MEPE: variants seen among roughly 807,000 people sequenced by gnomAD.
The protein encoded by MEPE is matrix, extracellular phosphoglycoprotein with ASARM motif (bone).
Under a neutral mutation model 7.3 loss-of-function variants are expected in MEPE, and 7 were observed. The ratio of observed to expected loss-of-function variants is 0.95; its 90% CI spans 0.54 to 1.79. MEPE has a LOEUF of 1.79. Among genes scored for constraint, MEPE ranks in the 40% most tolerant of loss-of-function variants. The pLI, the probability that MEPE is intolerant of heterozygous loss-of-function variation, is 0.00. For synonymous variants in MEPE, 214 were observed against 213.1 expected, an observed-to-expected ratio of 1.00 and a Z score of -0.04; for missense variants, 623 against 628.2, an observed-to-expected ratio of 0.99 and a Z score of 0.09.
At position 87,845,232 on chromosome 4, in the gene MEPE, G is replaced by T. The variant is rs753243825; in HGVS notation, c.364G>T (p.Gly122Trp). The change falls in exon 4 of 4, where the codon GGG becomes TGG. Residue 122 changes from glycine (G) to tryptophan (W), a missense_variant. Physicochemically the swap from Gly to Trp is radical, Grantham distance 184. Transcript: ENST00000361056. Reference protein sequence around the residue: ...LRMSIYPKSTGNKGFEDGDDA... With the variant: ...LRMSIYPKSTWNKGFEDGDDA... ...GATGTCAATTTATCCTAAGTCAACT[G>T]GGAATAAAGGGTTTGAGGATGGAGA... is the stretch of plus-strand genomic sequence containing the variant. 1 of 1,613,856 alleles carries T rather than the reference G, an allele frequency of 6.2e-7. No homozygotes were observed. The highest frequency in any genetic ancestry group is 1.3e-5 in the African/African-American group (1 of 74,884).
At chr4:87,824,467 G>T (rs1382084043) in intron 1 of MEPE, among the ~76,000 whole-genome samples, 3 of 152,214 alleles carry the variant, frequency 2.0e-5, no homozygotes, top group Admixed American at 6.5e-5. Context: ...CAGGCTATAT[G>T]GTTTCTGTCA....
chr4:87,830,357 A>G (rs952867168), upstream of MEPE, among the ~76,000 whole-genome samples: 1 of 152,210 alleles, frequency 6.6e-6, no homozygotes, highest in Non-Finnish European at 1.5e-5. Flanking sequence ...GACTGGATAA[A>G]GAAAATGTGG....
intron 3 of MEPE, among the ~76,000 whole-genome samples, chr4:87,842,482 G>A (rs1460222001): frequency 6.6e-6 from 1 of 152,150 alleles, no homozygotes; most frequent in Non-Finnish European, 1.5e-5. Flanking sequence ...TAGGGCTGTG[G>A]TCAAGGCAAG....
chr4:87,838,749 GA>G, intron 3 of MEPE, 64 bp downstream of exon 3: 1 of 1,451,882 alleles, frequency 6.9e-7, no homozygotes, highest in Non-Finnish European at 9.6e-7. Flanking sequence ...GTCAGTAAGA[GA>G]AAAGTGTAAC....
chr4:87,835,711 C>G (rs1313838577), intron 2 of MEPE, among the ~76,000 whole-genome samples: 1 of 152,088 alleles, frequency 6.6e-6, no homozygotes, highest in Admixed American at 6.6e-5. Context: ...GTACTGCTCA[C>G]AACACACATT....
chr4:87,844,300 C>G (rs1335762315), intron 3 of MEPE, among the ~76,000 whole-genome samples: 1 of 152,092 alleles, frequency 6.6e-6, no homozygotes, highest in African/African-American at 2.4e-5. Flanking sequence ...TGGCTGCACC[C>G]AAGAGTGATA....
chr4:87,844,161 C>G (rs930140438), intron 3 of MEPE, among the ~76,000 whole-genome samples: 2 of 152,154 alleles, frequency 1.3e-5, no homozygotes, highest in African/African-American at 4.8e-5. Context: ...TCTCTGGAAA[C>G]CTCCAGACCA....
chr4:87,829,943 AG>A (rs1184821653), upstream of MEPE, among the ~76,000 whole-genome samples: 1 of 148,890 alleles, frequency 6.7e-6, no homozygotes, highest in African/African-American at 2.5e-5. Context: ...GGAGAAACTG[AG>A]GCACAGAAAA....
chr4:87,822,683 T>C (rs983070444), intron 1 of MEPE, among the ~76,000 whole-genome samples: 1 of 152,136 alleles, frequency 6.6e-6, no homozygotes, highest in Non-Finnish European at 1.5e-5. Context: ...CTCTACCCCT[T>C]AGCCAAATAG....
rs566650919 is a variant in MEPE, at chr4:87,845,510, T to C, written c.642T>C (p.His214=). The change falls in exon 4 of 4, where the codon CAT becomes CAC. Residue 214 remains histidine (H), a synonymous_variant. Coordinates refer to ENST00000361056, the MANE Select transcript of MEPE (RefSeq NM_020203.6). ...GTCCAGTAAAAAGCAAAAGCACCCA[T>C]CGTATTCAACACAACATTGACTACC... ...QKSPVKSKST[H]RIQHNIDYLK... The C allele has an allele frequency of 1.4e-5, 23 of 1,613,126 alleles. No homozygotes were observed. The highest frequency in any genetic ancestry group is 4.5e-5 in the East Asian group (2 of 44,886).
chr4:87,829,882 T>TC (rs1553915046), upstream of MEPE, among the ~76,000 whole-genome samples: 3 of 142,728 alleles, frequency 2.1e-5, no homozygotes, highest in Non-Finnish European at 4.6e-5. Context: ...TTTTTTTTTT[T>TC]GGACTTTGCT....
intron 1 of MEPE, among the ~76,000 whole-genome samples, chr4:87,821,858 C>T (rs1241764469): frequency 6.6e-6 from 1 of 152,112 alleles, no homozygotes; most frequent in Non-Finnish European, 1.5e-5. Context: ...CCCCTGAGCA[C>T]CATAAAGCTG....
chr4:87,821,804 A>G (rs1722344318), intron 1 of MEPE, among the ~76,000 whole-genome samples: 1 of 152,178 alleles, frequency 6.6e-6, no homozygotes, highest in African/African-American at 2.4e-5. Context: ...GGGCAACCAG[A>G]TTTCATAGTC....
intron 3 of MEPE, among the ~76,000 whole-genome samples, chr4:87,842,553 T>G (rs969658214): frequency 2.6e-5 from 4 of 152,118 alleles, no homozygotes; most frequent in African/African-American, 7.2e-5. Context: ...AAGGTCTGAT[T>G]TGGAACCCCA....
At chr4:87,828,542 G>A (rs561361192), upstream of MEPE, among the ~76,000 whole-genome samples, 2 of 152,216 alleles carry the variant, frequency 1.3e-5, no homozygotes, top group South Asian at 2.1e-4. Flanking sequence ...CAGAGCACAA[G>A]TACAGAAAAG....
At chr4:87,838,961 G>C (rs544689618) in intron 3 of MEPE, among the ~76,000 whole-genome samples, 1 of 152,240 alleles carries the variant, frequency 6.6e-6, no homozygotes, top group East Asian at 1.9e-4. Context: ...ACCTTCATGG[G>C]GCTAAGTGAG....
In MEPE at chr4:87,834,787, A is replaced by G; in HGVS notation, c.54+19A>G. On this transcript the variant is annotated intron_variant, in intron 2 of 3. Coordinates refer to ENST00000361056, the MANE Select transcript of MEPE (RefSeq NM_020203.6). ...AGCACCAGTAAGTATTTACAAATTC[A>G]ATTATATTTCAGATAATCTCTTGCT... 1 of 1,600,948 alleles carries G rather than the reference A, an allele frequency of 6.2e-7. No individual in the cohort carries two copies. The highest frequency in any genetic ancestry group is 8.5e-7 in the Non-Finnish European group (1 of 1,171,858).
chr4:87,840,318 T>C (rs1722966861), intron 3 of MEPE, among the ~76,000 whole-genome samples: 2 of 152,186 alleles, frequency 1.3e-5, no homozygotes, highest in African/African-American at 2.4e-5. Flanking sequence ...TTTCACTCAG[T>C]CCCTTCTTGT....
chr4:87,845,790 G>C lies in MEPE; in HGVS notation c.922G>C (p.Glu308Gln), dbSNP rs191216756. The C allele has an allele frequency of 5.6e-6, 9 of 1,613,900 alleles. No homozygotes were observed. The highest frequency in any genetic ancestry group is 7.6e-6 in the Non-Finnish European group (9 of 1,179,964). Residue 308 changes from glutamate (E) to glutamine (Q), a missense_variant, in exon 4 of 4, where the codon GAG (glutamate) becomes CAG (glutamine). Physicochemically the swap from Glu to Gln is conservative, Grantham distance 29 (BLOSUM62 2). Coordinates refer to ENST00000361056, the MANE Select transcript of MEPE (RefSeq NM_020203.6). Reference protein sequence around the residue: ...TKKPGYNEIPEREENGGNTIG... With the variant: ...TKKPGYNEIPQREENGGNTIG... ...AAAGCCAGGTTATAATGAGATCCCAGAGAGAGAAGAAAATGGTGGAAATAC... is the reference window on the plus strand; with the variant it reads ...AAAGCCAGGTTATAATGAGATCCCACAGAGAGAAGAAAATGGTGGAAATAC...
Sources: allele counts gnomAD v4.1 joint callset (sites outside exome capture counted in the v4.1 genomes callset), GRCh38; gene constraint gnomAD v4.1.1; transcripts MANE v1.5; gene names NCBI Gene and HGNC (gene_info 2026-07-23, HGNC 2026-07-21).